Variants in R3HCC1L observed in about 807,000 individuals in gnomAD.
R3HCC1L encodes R3H domain and coiled-coil containing 1 like.
A neutral mutation model predicts 59.9 loss-of-function variants in R3HCC1L; 51 were observed. The observed-to-expected ratio is 0.85, with a 90% CI of 0.68 to 1.07. The LOEUF is 1.07. Among genes scored for constraint, R3HCC1L ranks in the 50% least tolerant of loss-of-function variants. The pLI is 0.00. For missense variants in R3HCC1L, 965 were observed against 933.0 expected (o/e 1.03, Z -0.45); for synonymous variants, 322 against 315.2 (o/e 1.02, Z -0.23).
chr10:98,217,895 T>A (rs1854402436), intron 5 of R3HCC1L, among the ~76,000 whole-genome samples: 1 of 152,206 alleles, frequency 6.6e-6, no homozygotes, highest in African/African-American at 2.4e-5. Context: ...TGAATTTCTT[T>A]ATCAGTTCTG....
At chr10:98,165,472 C>CCTAACCATATTAGATA (rs1284359975) in intron 4 of R3HCC1L, among the ~76,000 whole-genome samples, 2 of 152,224 alleles carry the variant, frequency 1.3e-5, no homozygotes, top group Non-Finnish European at 2.9e-5. Flanking sequence ...TTTAGATCCA[C>CCTAACCATATTAGATA]AATGGCTAGG....
At chr10:98,187,730 C>CTTT (rs755546581) in intron 4 of R3HCC1L, among the ~76,000 whole-genome samples, 26 of 95,116 alleles carry the variant, frequency 2.7e-4, no homozygotes, top group African/African-American at 7.5e-4. Flanking sequence ...TGTAACAATT[C>CTTT]TTTTTTTTTT....
At position 98,234,467 on chromosome 10, in the gene R3HCC1L, A is replaced by G; in HGVS notation, c.1983A>G (p.Lys661=). Residue 661 remains lysine (K), a synonymous_variant, in exon 7 of 10, where the codon AAA becomes AAG. Coordinates refer to ENST00000298999, the MANE Select transcript of R3HCC1L (RefSeq NM_001351015.2). The stretch of plus-strand genomic sequence containing the variant: ...GCAGAAAGAAAGGATTTGATATTAA[A>G]TGGGTGGATGATACACATGCCCTAG... The part of the protein sequence containing the change: ...CSYQKKGFDI[K]WVDDTHALGV... The G allele has an allele frequency of 3.1e-6, 5 of 1,613,450 alleles. No individual in the cohort carries two copies. Among genetic ancestry groups the G allele is most frequent in the Non-Finnish European group, 4.2e-6 (5 of 1,179,710 alleles).
chr10:98,207,580 C>T (rs1852836728), intron 4 of R3HCC1L, among the ~76,000 whole-genome samples: 1 of 152,080 alleles, frequency 6.6e-6, no homozygotes, highest in South Asian at 2.1e-4. Flanking sequence ...TATCTTAGAT[C>T]AAAAGCAGCA....
chr10:98,222,723 C>A (rs985766931), intron 5 of R3HCC1L, among the ~76,000 whole-genome samples: 3 of 151,906 alleles, frequency 2.0e-5, no homozygotes, highest in African/African-American at 7.3e-5. Context: ...CATCCAAAAA[C>A]CCTTCAAAAA....
At chr10:98,165,017 T>C (rs1847797013) in intron 4 of R3HCC1L, among the ~76,000 whole-genome samples, 1 of 152,164 alleles carries the variant, frequency 6.6e-6, no homozygotes, top group African/African-American at 2.4e-5. Context: ...CCCAGCACTT[T>C]GGGAGGCCCA....
chr10:98,137,320 C>T (rs1485796498), intron 1 of R3HCC1L, among the ~76,000 whole-genome samples: 1 of 152,166 alleles, frequency 6.6e-6, no homozygotes, highest in Non-Finnish European at 1.5e-5. Context: ...GAGCCTGTTT[C>T]CTAATCTCTC....
chr10:98,204,838 A>ATGTGT (rs1286945709), intron 4 of R3HCC1L, among the ~76,000 whole-genome samples: 4 of 152,292 alleles, frequency 2.6e-5, no homozygotes, highest in African/African-American at 7.2e-5. Flanking sequence ...TGTGTAGTAA[A>ATGTGT]AGACAATATA....
chr10:98,200,748 T>TA (rs1321010003), intron 4 of R3HCC1L, among the ~76,000 whole-genome samples: 6 of 152,128 alleles, frequency 3.9e-5, no homozygotes, highest in Non-Finnish European at 8.8e-5. Flanking sequence ...GAATAACTTT[T>TA]ATATCAAATT....
chr10:98,189,812 G>C (rs776224268), intron 4 of R3HCC1L, among the ~76,000 whole-genome samples: 5 of 152,180 alleles, frequency 3.3e-5, no homozygotes, highest in Non-Finnish European at 4.4e-5. Flanking sequence ...TTTCTCTGCT[G>C]TCCAAGTATA....
chr10:98,142,423 A>C (rs559973983), intron 1 of R3HCC1L, among the ~76,000 whole-genome samples: 1 of 152,074 alleles, frequency 6.6e-6, no homozygotes, highest in South Asian at 2.1e-4. Context: ...GGATCACTTA[A>C]GGCCAGGAGT....
chr10:98,209,390 C>T lies in R3HCC1L; in HGVS notation c.1276C>T (p.His426Tyr), dbSNP rs1853248369. The T allele has an allele frequency of 4.3e-6, 7 of 1,613,904 alleles. No individual in the cohort carries two copies. The highest frequency in any genetic ancestry group is 1.1e-5 in the South Asian group (1 of 91,074). Residue 426 changes from histidine (H) to tyrosine (Y), a missense_variant, in exon 5 of 10, where the codon CAT becomes TAT. Transcript: ENST00000298999. ...VGMSADATPL[H>Y]VARSGNDTED... The stretch of plus-strand genomic sequence containing the variant: ...AATGAGTGCAGATGCAACCCCTCTT[C>T]ATGTAGCTAGAAGTGGGAATGACAC...
intron 1 of R3HCC1L, among the ~76,000 whole-genome samples, chr10:98,142,547 A>C (rs1348991165): frequency 6.6e-6 from 1 of 152,010 alleles, no homozygotes; most frequent in Admixed American, 6.6e-5. Flanking sequence ...CTGAGGCATG[A>C]GAATCACATG....
In R3HCC1L at chr10:98,153,301, A is replaced by G. The variant is rs377323470; in HGVS notation, c.-267-2792A>G. 3.7e-4 allele frequency among the ~76,000 whole-genome samples: 56 copies of G among 152,230 alleles called. 1 individual carries two copies. In the East Asian group the frequency reaches 9.9e-3, roughly 27 times the overall value. On this transcript the variant is annotated intron_variant, in intron 1 of 9. Coordinates refer to ENST00000298999, the MANE Select transcript of R3HCC1L (RefSeq NM_001351015.2). ...TTCTGCCTTGGGATGCTGTTGATCT[A>G]TGACCTTACCCCCAACCCTGTGCTC...
At chr10:98,227,982 T>A (rs1231472919) in intron 5 of R3HCC1L, among the ~76,000 whole-genome samples, 1 of 152,124 alleles carries the variant, frequency 6.6e-6, no homozygotes, top group Non-Finnish European at 1.5e-5. Flanking sequence ...AGTCTATCAT[T>A]ATTGGACATT....
chr10:98,216,025 A>G (rs960855005), intron 5 of R3HCC1L, among the ~76,000 whole-genome samples: 3 of 152,160 alleles, frequency 2.0e-5, no homozygotes, highest in African/African-American at 7.2e-5. Context: ...GAAAAACAGA[A>G]TCAGAATCAA....
chr10:98,166,901 C>A (rs947168726), intron 4 of R3HCC1L, among the ~76,000 whole-genome samples: 2 of 151,966 alleles, frequency 1.3e-5, no homozygotes, highest in African/African-American at 2.4e-5. Context: ...TCCTGACCTC[C>A]TGATCTGCCC....
chr10:98,137,914 A>C (rs186337426), intron 1 of R3HCC1L, among the ~76,000 whole-genome samples: 1 of 151,976 alleles, frequency 6.6e-6, no homozygotes, highest in African/African-American at 2.4e-5. Context: ...AAGCCAGACT[A>C]TTAGACTTTA....
chr10:98,146,552 G>A (rs61873746), intron 1 of R3HCC1L, among the ~76,000 whole-genome samples: 23,180 of 152,178 alleles, frequency 0.15, 2,151 homozygotes, highest in Non-Finnish European at 0.2. Context: ...GTATAAGTGA[G>A]AACACATGAT....
Sources: allele counts gnomAD v4.1 joint callset (sites outside exome capture counted in the v4.1 genomes callset), GRCh38; gene constraint gnomAD v4.1.1; transcripts MANE v1.5; gene names NCBI Gene and HGNC (gene_info 2026-07-23, HGNC 2026-07-21).